Variants in RAD51B observed in about 807,000 individuals in gnomAD.
RAD51B encodes DNA repair protein RAD51 homolog 2.
RAD51B carries 38 observed loss-of-function variants against 42.2 expected under a neutral mutation model. The observed-to-expected ratio is 0.90, with a 90% CI of 0.70 to 1.18. The LOEUF is 1.18. RAD51B is among the 50% of genes most tolerant of loss of function. The pLI, the probability that RAD51B is intolerant of heterozygous loss-of-function variation, is 0.00. For missense variants in RAD51B, 373 were observed against 400.7 expected (o/e 0.93, Z 0.59); for synonymous variants, 154 against 145.2 (o/e 1.06, Z -0.43).
At chr14:68,240,358 G>T (rs1257689702) in intron 7 of RAD51B, among the ~76,000 whole-genome samples, 1 of 152,152 alleles carries the variant, frequency 6.6e-6, no homozygotes, top group Non-Finnish European at 1.5e-5. Flanking sequence ...GGAACTTCTG[G>T]GGATTGTCTG....
chr14:68,079,739 A>G (rs1018636612), intron 7 of RAD51B, among the ~76,000 whole-genome samples: 3 of 152,250 alleles, frequency 2.0e-5, no homozygotes, highest in East Asian at 3.8e-4. Context: ...TTCTCACTGC[A>G]TAGGATATTA....
chr14:68,335,263 C>G (rs2139816017), intron 8 of RAD51B, among the ~76,000 whole-genome samples: 1 of 139,380 alleles, frequency 7.2e-6, no homozygotes, highest in South Asian at 2.3e-4. Flanking sequence ...CACCACTGCA[C>G]TCCAGCCTGG....
chr14:68,339,221 C>A, intron 8 of RAD51B: 1 of 1,149,866 alleles, frequency 8.7e-7, no homozygotes, highest in South Asian at 1.3e-5. Context: ...TTGTCTCTGG[C>A]CTGTACTTGT....
downstream of RAD51B, among the ~76,000 whole-genome samples, chr14:68,599,156 T>G (rs1313974938): frequency 2.6e-5 from 4 of 152,156 alleles, no homozygotes; most frequent in East Asian, 7.7e-4. Context: ...TCCCACACTC[T>G]TTGAACACAG....
At chr14:68,498,985 G>A (rs1884735269) in intron 10 of RAD51B, among the ~76,000 whole-genome samples, 1 of 152,146 alleles carries the variant, frequency 6.6e-6, no homozygotes, top group Non-Finnish European at 1.5e-5. Flanking sequence ...AGACAACAGG[G>A]GTCAGAGAGC....
At chr14:68,449,607 TTCA>T (rs1333783482) in intron 9 of RAD51B, among the ~76,000 whole-genome samples, 5 of 152,198 alleles carry the variant, frequency 3.3e-5, no homozygotes, top group Non-Finnish European at 7.3e-5. Flanking sequence ...ATCACACTCC[TTCA>T]TCATGTGTCT....
chr14:68,529,337 C>T (rs547706795), intron 10 of RAD51B, among the ~76,000 whole-genome samples: 39 of 152,370 alleles, frequency 2.6e-4, no homozygotes, highest in Admixed American at 5.2e-4. Flanking sequence ...GCTGGGACTA[C>T]AGGCGCGTGC....
intron 10 of RAD51B, among the ~76,000 whole-genome samples, chr14:68,578,061 A>G (rs1194436448): frequency 2.0e-5 from 3 of 152,264 alleles, no homozygotes; most frequent in Non-Finnish European, 2.9e-5. Flanking sequence ...GTTGCTGCCT[A>G]TGCAACACTA....
intron 7 of RAD51B, among the ~76,000 whole-genome samples, chr14:67,895,350 G>A (rs2043377896): frequency 6.6e-6 from 1 of 152,180 alleles, no homozygotes; most frequent in African/African-American, 2.4e-5. Flanking sequence ...GGTGATTTAT[G>A]TAAGATTGCT....
intron 10 of RAD51B, among the ~76,000 whole-genome samples, chr14:68,523,365 A>G (rs1312188149): frequency 6.6e-6 from 1 of 152,146 alleles, no homozygotes; most frequent in Non-Finnish European, 1.5e-5. Flanking sequence ...GTGGGGTTGA[A>G]GCTGGATTAG....
intron 9 of RAD51B, among the ~76,000 whole-genome samples, chr14:68,443,586 T>C (rs1445950912): frequency 6.6e-6 from 1 of 152,200 alleles, no homozygotes; most frequent in East Asian, 1.9e-4. Context: ...GAATCTAAGA[T>C]TCCCTATCAC....
At chr14:68,407,914 T>G (rs2084319320) in intron 8 of RAD51B, among the ~76,000 whole-genome samples, 1 of 152,136 alleles carries the variant, frequency 6.6e-6, no homozygotes, top group Non-Finnish European at 1.5e-5. Context: ...ATGCCAGTGT[T>G]AGGAATTTAG....
intron 7 of RAD51B, among the ~76,000 whole-genome samples, chr14:68,130,506 A>G (rs917460798): frequency 6.6e-6 from 1 of 152,236 alleles, no homozygotes; most frequent in Non-Finnish European, 1.5e-5. Flanking sequence ...ATTGCTTTAC[A>G]ACTGTATTTG....
At chr14:68,364,663 G>A (rs909602937) in intron 8 of RAD51B, among the ~76,000 whole-genome samples, 1 of 152,188 alleles carries the variant, frequency 6.6e-6, no homozygotes, top group African/African-American at 2.4e-5. Flanking sequence ...GGAATGATGG[G>A]AGGCCTTGTT....
chr14:68,186,397 A>G (rs934082271), intron 7 of RAD51B, among the ~76,000 whole-genome samples: 4 of 152,354 alleles, frequency 2.6e-5, no homozygotes, highest in South Asian at 2.1e-4. Flanking sequence ...CTGCACAGCA[A>G]AAGAAACTAT....
At chr14:67,935,710 A>C (rs1322909238) in intron 7 of RAD51B, among the ~76,000 whole-genome samples, 3 of 152,190 alleles carry the variant, frequency 2.0e-5, no homozygotes, top group Non-Finnish European at 4.4e-5. Context: ...GTTGTCTTAG[A>C]TAAGTAGCCC....
At chr14:68,137,557 T>C (rs1460590848) in intron 7 of RAD51B, among the ~76,000 whole-genome samples, 3 of 152,146 alleles carry the variant, frequency 2.0e-5, no homozygotes, top group African/African-American at 7.2e-5. Context: ...TGAATCGAAA[T>C]CTTATGTTGA....
Position 68,477,744 on chromosome 14 carries a change from A to T in RAD51B, c.*80A>T. The T allele has an allele frequency of 1.3e-6, 2 of 1,579,704 alleles. No individual in the cohort carries two copies. The highest frequency in any genetic ancestry group is 2.4e-5 in the South Asian group (2 of 84,716). ...AGGACCGTACTGCTTGGAAGAAGGA[A>T]ACGGAAGCTGACATAATGGGGATTA... On this transcript the variant is annotated 3_prime_UTR_variant, in exon 11 of 11. Coordinates refer to ENST00000471583, the MANE Select transcript of RAD51B (RefSeq NM_133510.4).
intron 7 of RAD51B, among the ~76,000 whole-genome samples, chr14:67,999,553 CT>C (rs1441620902): frequency 6.6e-6 from 1 of 152,186 alleles, no homozygotes; most frequent in Non-Finnish European, 1.5e-5. Context: ...ATCAGATAGG[CT>C]TTGGTTAAAT....
Sources: allele counts gnomAD v4.1 joint callset (sites outside exome capture counted in the v4.1 genomes callset), GRCh38; gene constraint gnomAD v4.1.1; transcripts MANE v1.5; gene names NCBI Gene and HGNC (gene_info 2026-07-23, HGNC 2026-07-21).